The following CRYL1 variants were observed in gnomAD, a reference collection of about 807,000 sequenced individuals.
CRYL1 encodes the protein lambda-crystallin homolog.
A neutral mutation model predicts 36.6 loss-of-function variants in CRYL1; 29 were observed. That is an observed-to-expected ratio of 0.79 (90% confidence interval 0.59 to 1.08). The LOEUF (loss-of-function observed/expected upper bound fraction) is 1.08. CRYL1 is among the 50% of genes least tolerant of loss of function. The pLI, the probability that CRYL1 is intolerant of heterozygous loss-of-function variation, is 0.00. For missense variants in CRYL1, 411 were observed against 407.9 expected, an observed-to-expected ratio of 1.01 and a Z score of -0.06; for synonymous variants, 152 against 151.5, an observed-to-expected ratio of 1.00 and a Z score of -0.02.
rs185170418 is a variant in CRYL1, at chr13:20,485,988, G to A, written c.276+3382C>T. ...GGCTGGAGTGCAGTGGCCTGATCTC[G>A]GCCCACTGCAACCTCCACCTCCCAG... On this transcript the variant is annotated intron_variant, in intron 3 of 7. Coordinates refer to ENST00000298248, the MANE Select transcript of CRYL1 (RefSeq NM_015974.3). Among the ~76,000 whole-genome samples, 134 of 151,862 alleles carry A rather than the reference G, an allele frequency of 8.8e-4. 1 individual carries two copies. Among genetic ancestry groups the A allele is most frequent in the African/African-American group, 2.9e-3 (122 of 41,430 alleles).
Position 20,489,514 on chromosome 13 carries a change from A to C in CRYL1, c.150-18T>G, listed in dbSNP as rs1481910762. On this transcript the variant is annotated intron_variant, in intron 2 of 7. Transcript: ENST00000298248. Reference sequence around the variant, plus strand: ...TCTCCTTTCTGGAAAGGCAGAGAGAAGGATCACTGTGAGTATTCAACACCA... The same window carrying C: ...TCTCCTTTCTGGAAAGGCAGAGAGACGGATCACTGTGAGTATTCAACACCA... 6 of 1,611,770 alleles carry C rather than the reference A, an allele frequency of 3.7e-6. No individual in the cohort carries two copies. The highest frequency in any genetic ancestry group is 5.1e-6 in the Non-Finnish European group (6 of 1,179,958).
At position 20,404,074 on chromosome 13, in the gene CRYL1, A is replaced by G. The variant is rs1422386428; in HGVS notation, c.*55T>C. 7.3e-6 allele frequency: 9 copies of G among 1,227,382 alleles called. No individual in the cohort carries two copies. The highest frequency in any genetic ancestry group is 7.3e-5 in the South Asian group (6 of 82,522). 76.0% of individuals were successfully genotyped at this position (1,227,382 alleles called of 1,614,324 possible). On this transcript the variant is annotated 3_prime_UTR_variant, in exon 8 of 8. Transcript: ENST00000298248. Reference sequence around the variant, plus strand: ...CACAGAGGGCTGATTAAGGGCTTGCAGTGTTCCCAAATAGGGCCTCCAATG... The same window carrying G: ...CACAGAGGGCTGATTAAGGGCTTGCGGTGTTCCCAAATAGGGCCTCCAATG...
intron 4 of CRYL1, among the ~76,000 whole-genome samples, chr13:20,438,020 C>T (rs1375387929): frequency 6.6e-6 from 1 of 152,174 alleles, no homozygotes; most frequent in Non-Finnish European, 1.5e-5. Context: ...TCGGGACTTG[C>T]TTTCAATTAG....
At chr13:20,502,299 T>C (rs966513219) in intron 2 of CRYL1, 1 of 152,442 alleles carries the variant, frequency 6.6e-6, no homozygotes, top group Admixed American at 6.5e-5. Context: ...CCTGCCTGGA[T>C]CCACGCCACT....
chr13:20,482,134 G>A (rs887906042), intron 3 of CRYL1, among the ~76,000 whole-genome samples: 2 of 151,820 alleles, frequency 1.3e-5, no homozygotes, highest in South Asian at 2.1e-4. Context: ...CCAAAAGAAC[G>A]CTACTTCCTG....
At chr13:20,404,573 G>A in intron 7 of CRYL1, 62 bp downstream of exon 7, 1 of 1,075,338 alleles carries the variant, frequency 9.3e-7, no homozygotes, top group Non-Finnish European at 1.4e-6. Flanking sequence ...GAGGTGAGGG[G>A]CAGCAAGTGC....
chr13:20,412,129 C>T (rs1210743320), intron 6 of CRYL1, among the ~76,000 whole-genome samples: 1 of 152,128 alleles, frequency 6.6e-6, no homozygotes, highest in Non-Finnish European at 1.5e-5. Flanking sequence ...CCCTTTTCAG[C>T]TTACCCACTT....
chr13:20,507,708 G>C (rs1205566733), intron 2 of CRYL1, among the ~76,000 whole-genome samples: 2 of 151,914 alleles, frequency 1.3e-5, no homozygotes, highest in Admixed American at 6.6e-5. Flanking sequence ...CACAAGGTCA[G>C]GAGATCGAGA....
chr13:20,453,428 GAATATTTTGAAATATTC>G (rs1424175387), intron 3 of CRYL1, among the ~76,000 whole-genome samples: 26 of 151,818 alleles, frequency 1.7e-4, no homozygotes, highest in African/African-American at 5.6e-4. Flanking sequence ...TAATATATTT[GAATATTTTGAAATATTC>G]TAATATATTT....
At chr13:20,523,836 C>T (rs1212524979) in intron 1 of CRYL1, among the ~76,000 whole-genome samples, 1 of 152,184 alleles carries the variant, frequency 6.6e-6, no homozygotes, top group East Asian at 1.9e-4. Context: ...CTCAAGGAAT[C>T]AGAAGTAAAC....
At chr13:20,419,709 G>A (rs145740769) in intron 5 of CRYL1, among the ~76,000 whole-genome samples, 44 of 152,228 alleles carry the variant, frequency 2.9e-4, no homozygotes, top group Middle Eastern at 3.4e-3. Flanking sequence ...CACCACATCC[G>A]GCCTAGATTA....
chr13:20,495,747 C>T (rs185637020), intron 2 of CRYL1, among the ~76,000 whole-genome samples: 4 of 152,348 alleles, frequency 2.6e-5, no homozygotes, highest in East Asian at 1.9e-4. Flanking sequence ...AGTCCACCAA[C>T]AGATGGAGGG....
intron 3 of CRYL1, among the ~76,000 whole-genome samples, chr13:20,472,207 G>A (rs959076834): frequency 1.3e-5 from 2 of 151,958 alleles, no homozygotes; most frequent in Non-Finnish European, 2.9e-5. Context: ...CATATCACCT[G>A]TGCACATCCT....
At chr13:20,494,743 C>T (rs924288701) in intron 2 of CRYL1, among the ~76,000 whole-genome samples, 1 of 152,168 alleles carries the variant, frequency 6.6e-6, no homozygotes, top group African/African-American at 2.4e-5. Context: ...CAGGGACCAC[C>T]CCGGAATGAG....
intron 3 of CRYL1, among the ~76,000 whole-genome samples, chr13:20,454,417 TTG>T (rs1407448210): frequency 8.3e-6 from 1 of 120,920 alleles, no homozygotes; most frequent in African/African-American, 3.7e-5. Context: ...CCATTCGTGT[TTG>T]TTTTTTTTTT....
At chr13:20,443,794 A>C in intron 3 of CRYL1, among the ~76,000 whole-genome samples, 1 of 152,354 alleles carries the variant, frequency 6.6e-6, no homozygotes, top group East Asian at 1.9e-4. Flanking sequence ...GAAAGAAAAA[A>C]CAAATTAGAA....
intron 2 of CRYL1, among the ~76,000 whole-genome samples, chr13:20,493,486 C>T (rs2033550067): frequency 6.6e-6 from 1 of 152,102 alleles, no homozygotes; most frequent in Non-Finnish European, 1.5e-5. Context: ...ATGGTGAAAC[C>T]CCGATTCTAC....
intron 2 of CRYL1, among the ~76,000 whole-genome samples, chr13:20,507,165 T>G (rs180866581): frequency 6.6e-6 from 1 of 152,348 alleles, no homozygotes; most frequent in East Asian, 1.9e-4. Context: ...TTGTTCAGTC[T>G]CAGGTATGTC....
chr13:20,420,701 T>TTTTTTTTTTTTTTTTTTTTTTTTTGTG, intron 5 of CRYL1, among the ~76,000 whole-genome samples: 1 of 21,838 alleles, frequency 4.6e-5, no homozygotes, highest in Non-Finnish European at 1.4e-4. Context: ...AAAATAGAGG[T>TTTTTTTTTTTTTTTTTTTTTTTTTGTG]TGTGTGTGTG....
Sources: allele counts gnomAD v4.1 joint callset (sites outside exome capture counted in the v4.1 genomes callset), GRCh38; gene constraint gnomAD v4.1.1; transcripts MANE v1.5; gene names NCBI Gene and HGNC (gene_info 2026-07-23, HGNC 2026-07-21).